The following RASGRF1 variants were observed in gnomAD, a reference collection of about 807,000 sequenced individuals.
The protein encoded by RASGRF1 is ras-specific guanine nucleotide-releasing factor 1.
A neutral mutation model predicts 138.7 loss-of-function variants in RASGRF1; 40 were observed. The ratio of observed to expected loss-of-function variants is 0.29; its 90% CI spans 0.22 to 0.38. RASGRF1 has a LOEUF of 0.38. Ranked by LOEUF, RASGRF1 falls within the 10% of genes least tolerant of loss-of-function variation. The pLI is 1.00. For synonymous variants in RASGRF1, 614 were observed against 663.2 expected (o/e 0.93, Z 1.14); for missense variants, 1,108 against 1,650.4 (o/e 0.67, Z 5.69).
chr15:79,048,898 C>A (rs972873452), intron 4 of RASGRF1, among the ~76,000 whole-genome samples: 4 of 152,196 alleles, frequency 2.6e-5, no homozygotes, highest in Non-Finnish European at 5.9e-5. Context: ...ACAAACACAG[C>A]CCACGCTCCT....
At chr15:78,962,579 G>A (rs2055568385) in intron 26 of RASGRF1, among the ~76,000 whole-genome samples, 1 of 152,182 alleles carries the variant, frequency 6.6e-6, no homozygotes, top group South Asian at 2.1e-4. Context: ...CAGTGTTTCT[G>A]TATATTTGAA....
intron 15 of RASGRF1, 38 bp downstream of exon 15, chr15:79,003,764 G>A: frequency 6.5e-7 from 1 of 1,548,630 alleles, no homozygotes; most frequent in Non-Finnish European, 8.7e-7. Flanking sequence ...AGTGGGGCTG[G>A]GAGGCTGGGG....
chr15:79,040,187 C>G (rs1026700236), intron 5 of RASGRF1, among the ~76,000 whole-genome samples: 1 of 152,056 alleles, frequency 6.6e-6, no homozygotes, highest in Non-Finnish European at 1.5e-5. Flanking sequence ...AAATAGCAGC[C>G]CTTCCCACCA....
chr15:79,015,795 G>A (rs1035676028), intron 12 of RASGRF1, among the ~76,000 whole-genome samples: 1 of 152,252 alleles, frequency 6.6e-6, no homozygotes, highest in African/African-American at 2.4e-5. Flanking sequence ...CCATGGTGAT[G>A]TGGGATCTCT....
rs747012464 is a variant in RASGRF1, at chr15:79,090,456, G to C, written c.43C>G (p.Leu15Val). The C allele has an allele frequency of 6.2e-7, 1 of 1,612,964 alleles. No individual in the cohort carries two copies. Among genetic ancestry groups the C allele is most frequent in the South Asian group, 1.1e-5 (1 of 91,080 alleles). Residue 15 changes from leucine (L) to valine (V), a missense_variant, in exon 1 of 27, where the codon CTG becomes GTG. By Grantham distance (32) the Leu-to-Val change is conservative. Around this residue, in one of 3 missense-constraint regions of RASGRF1, gnomAD observed 253 missense variants for 329.5 expected, o/e 0.77. Transcript: ENST00000558480. ...CCGTCCTTGCGCGCCAGCAGTCCCA[G>C]GGACGCGACGTGGCCATCATTCAGC... is the stretch of plus-strand genomic sequence containing the variant. ...IRLNDGHVAS[L>V]GLLARKDGTR...
At chr15:78,982,205 G>T (rs529006752) in intron 23 of RASGRF1, among the ~76,000 whole-genome samples, 1 of 152,304 alleles carries the variant, frequency 6.6e-6, no homozygotes, top group South Asian at 2.1e-4. Flanking sequence ...GGAAGACACA[G>T]AAGCTTGATC....
At chr15:79,003,620 G>A (rs1433134449) in intron 15 of RASGRF1, among the ~76,000 whole-genome samples, 182 bp downstream of exon 15, 1 of 152,322 alleles carries the variant, frequency 6.6e-6, no homozygotes, top group Non-Finnish European at 1.5e-5. Context: ...TCCCACATAC[G>A]GCTACCTCTC....
At chr15:78,988,323 C>G (rs2056202815) in intron 22 of RASGRF1, among the ~76,000 whole-genome samples, 1 of 152,190 alleles carries the variant, frequency 6.6e-6, no homozygotes, top group African/African-American at 2.4e-5. Context: ...GACTCCTGGG[C>G]ACACAGTGGG....
In RASGRF1 at chr15:78,970,399, C is replaced by T. The variant is rs186976542; in HGVS notation, c.3681+1467G>A. Among the ~76,000 whole-genome samples the T allele has an allele frequency of 2.6e-4, 40 of 152,112 alleles. No homozygotes were observed. In the East Asian group the frequency reaches 6.0e-3, roughly 23 times the overall value. ...ATTGGGGCATAGTGGCGTGCCAGAC[C>T]AGCCATTCTCTTACATGGCCTTGCA... On this transcript the variant is annotated intron_variant, in intron 26 of 26. Coordinates refer to ENST00000558480, the MANE Select transcript of RASGRF1 (RefSeq NM_001145648.3).
chr15:79,028,577 C>T (rs2057093936), intron 8 of RASGRF1, among the ~76,000 whole-genome samples: 1 of 151,944 alleles, frequency 6.6e-6, no homozygotes, highest in African/African-American at 2.4e-5. Context: ...TACAAAATGG[C>T]GTTGGTGGGA....
chr15:79,054,870 G>A (rs562820434), intron 3 of RASGRF1, among the ~76,000 whole-genome samples: 5 of 152,344 alleles, frequency 3.3e-5, no homozygotes, highest in African/African-American at 4.8e-5. Context: ...GATCAGGAGA[G>A]TGGAGTTTGA....
rs143384138 is a variant in RASGRF1, at chr15:78,975,953, A to C, written c.3495-2533T>G. 7.3e-3 allele frequency among the ~76,000 whole-genome samples: 1,116 copies of C among 152,232 alleles called. 2 individuals are homozygous for C. Among genetic ancestry groups the C allele is most frequent in the Non-Finnish European group, 0.01 (710 of 68,032 alleles). On this transcript the variant is annotated intron_variant, in intron 24 of 26. Transcript: ENST00000558480. ...TGGCAGTGCTGACCGGTGGGTTCTG[A>C]GAGGTGCTCTCCCCCTTCACCCTGC... is the stretch of plus-strand genomic sequence containing the variant.
chr15:79,030,330 T>G (rs2057119394), intron 8 of RASGRF1, among the ~76,000 whole-genome samples: 1 of 152,170 alleles, frequency 6.6e-6, no homozygotes, highest in South Asian at 2.1e-4. Flanking sequence ...GGCAGCCTAG[T>G]TCTGACCACA....
intron 5 of RASGRF1, among the ~76,000 whole-genome samples, chr15:79,035,694 C>A (rs1040455048): frequency 6.6e-6 from 1 of 152,212 alleles, no homozygotes; most frequent in Non-Finnish European, 1.5e-5. Flanking sequence ...TGCCTGATGC[C>A]CCTTCCCGGC....
intron 23 of RASGRF1, chr15:78,980,909 A>G: frequency 2.5e-6 from 1 of 407,058 alleles, no homozygotes; most frequent in Non-Finnish European, 4.4e-6. Flanking sequence ...GTGCTCCCAC[A>G]TCTCTCAGAA....
At chr15:79,076,740 G>A (rs749106673) in intron 1 of RASGRF1, among the ~76,000 whole-genome samples, 1 of 152,180 alleles carries the variant, frequency 6.6e-6, no homozygotes, top group Non-Finnish European at 1.5e-5. Context: ...ATTAACTACC[G>A]CTGTGTTTCT....
intron 14 of RASGRF1, chr15:79,004,993 G>C: frequency 1.0e-6 from 1 of 985,560 alleles, no homozygotes; most frequent in Non-Finnish European, 1.2e-6. Flanking sequence ...CAGCCTCTTT[G>C]TTCTGCAGGG....
intron 20 of RASGRF1, among the ~76,000 whole-genome samples, chr15:78,994,130 C>T (rs1193437063): frequency 1.3e-5 from 2 of 152,198 alleles, no homozygotes; most frequent in African/African-American, 4.8e-5. Flanking sequence ...GAAACAGGAG[C>T]AGAGTGCAGT....
At chr15:78,983,789 C>T (rs2056087627) in intron 23 of RASGRF1, among the ~76,000 whole-genome samples, 1 of 152,246 alleles carries the variant, frequency 6.6e-6, no homozygotes, top group Admixed American at 6.5e-5. Flanking sequence ...AGCTCCTGTG[C>T]TCCTGAGCTC....
Sources: gnomAD v4.1 joint callset for allele counts (sites outside exome capture counted in the v4.1 genomes callset) on GRCh38, gnomAD v4.1.1 for gene constraint, gnomAD v4.1.1 regional missense constraint, MANE v1.5 for transcripts, NCBI Gene and HGNC (gene_info 2026-07-23, HGNC 2026-07-21) for gene names.